The following AKAP1 variants were observed in gnomAD, a reference collection of about 807,000 sequenced individuals.
AKAP1 encodes A-kinase anchoring protein 1.
AKAP1 carries 32 observed loss-of-function variants against 79.8 expected under a neutral mutation model. The ratio of observed to expected loss-of-function variants is 0.40; its 90% CI spans 0.30 to 0.54. AKAP1 has a LOEUF of 0.54. Ranked by LOEUF, AKAP1 falls within the 20% of genes least tolerant of loss-of-function variation. The pLI is 0.47. For missense variants in AKAP1, 961 were observed against 1,138.9 expected (o/e 0.84, Z 2.25); for synonymous variants, 416 against 466.7 (o/e 0.89, Z 1.40).
chr17:57,109,693 G>A (rs766297327), intron 2 of AKAP1, among the ~76,000 whole-genome samples: 4 of 152,276 alleles, frequency 2.6e-5, no homozygotes, highest in African/African-American at 4.8e-5. Flanking sequence ...CTCCTCCCCC[G>A]CCCTCTGGGC....
chr17:57,085,715 TC>T (rs1486110568), intron 1 of AKAP1: 3 of 152,190 alleles, frequency 2.0e-5, no homozygotes, highest in Admixed American at 2.0e-4. Flanking sequence ...CCCACGCGCG[TC>T]ACTGTCCTCG....
At chr17:57,091,113 C>T (rs1913757836) in intron 1 of AKAP1, among the ~76,000 whole-genome samples, 1 of 152,250 alleles carries the variant, frequency 6.6e-6, no homozygotes, top group Non-Finnish European at 1.5e-5. Context: ...CTTCTTGCCC[C>T]TCCTTTCTGC....
chr17:57,115,733 G>A (rs1238597377), intron 6 of AKAP1, among the ~76,000 whole-genome samples: 1 of 152,216 alleles, frequency 6.6e-6, no homozygotes, highest in Non-Finnish European at 1.5e-5. Flanking sequence ...TTTCTTCAGG[G>A]ACTTTCTTTT....
rs1324909712 is a variant in AKAP1 at position 57,106,102 on chromosome 17, A to C, written c.638A>C (p.Lys213Thr). Residue 213 changes from lysine (K) to threonine (T), a missense_variant, in exon 2 of 11, where the codon AAG becomes ACG. Lys to Thr is a moderately conservative substitution (Grantham distance 78). Around this residue, in one of 3 missense-constraint regions of AKAP1, gnomAD observed 224 missense variants for 210.2 expected, o/e 1.07. Coordinates refer to ENST00000337714, the MANE Select transcript of AKAP1 (RefSeq NM_003488.4). ...ACTGGTGATGCCGTGTTGGGGGAAA[A>C]GGTGCTTGAAGAAGCTCTGTTGTCT... ...EGTGDAVLGE[K>T]VLEEALLSRE... 1 of 1,605,094 alleles carries C rather than the reference A, an allele frequency of 6.2e-7. No individual in the cohort carries two copies. The highest frequency in any genetic ancestry group is 8.5e-7 in the Non-Finnish European group (1 of 1,174,706).
chr17:57,104,792 G>C (rs77484304), intron 1 of AKAP1, among the ~76,000 whole-genome samples: 1 of 152,210 alleles, frequency 6.6e-6, no homozygotes, highest in East Asian at 1.9e-4. Flanking sequence ...AAAATTCTCA[G>C]TTGAGCCTTG....
intron 5 of AKAP1, 99 bp from the exon 6 acceptor site, chr17:57,114,360 G>C (rs1915444141): frequency 2.1e-6 from 3 of 1,452,238 alleles, no homozygotes; most frequent in Non-Finnish European, 2.8e-6. Flanking sequence ...CCTTTTCAAA[G>C]ATATGCTAGC....
At chr17:57,091,005 C>T (rs753556226) in intron 1 of AKAP1, among the ~76,000 whole-genome samples, 1 of 152,220 alleles carries the variant, frequency 6.6e-6, no homozygotes, top group Non-Finnish European at 1.5e-5. Flanking sequence ...TCAAGCACAG[C>T]CCCAGCCCCC....
chr17:57,118,484 G>A (rs1915726016), intron 9 of AKAP1, 30 bp downstream of exon 9: 5 of 1,611,754 alleles, frequency 3.1e-6, no homozygotes, highest in Non-Finnish European at 4.2e-6. Flanking sequence ...GGGGGAGGCA[G>A]GCTGGCTGGG....
intron 4 of AKAP1, 68 bp downstream of exon 4, chr17:57,111,992 G>A: frequency 6.4e-7 from 1 of 1,556,150 alleles, no homozygotes; most frequent in Non-Finnish European, 8.8e-7. Context: ...TAGCATCTGA[G>A]TTTCAATTGC....
At chr17:57,101,949 T>C (rs960025625) in intron 1 of AKAP1, among the ~76,000 whole-genome samples, 6 of 152,222 alleles carry the variant, frequency 3.9e-5, no homozygotes, top group African/African-American at 1.4e-4. Flanking sequence ...ATTTTTTCCA[T>C]GTCGGCACAT....
chr17:57,107,839 A>G (rs920699266), intron 2 of AKAP1: 13 of 593,408 alleles, frequency 2.2e-5, no homozygotes, highest in Non-Finnish European at 3.4e-5. Context: ...TTACAGGGTA[A>G]GTGCCCAAAG....
At chr17:57,107,873 G>T in intron 2 of AKAP1, 2 of 1,004,622 alleles carry the variant, frequency 2.0e-6, no homozygotes, top group Non-Finnish European at 1.4e-6. Flanking sequence ...TTGAATACTT[G>T]TGGGAGGCTT....
intron 10 of AKAP1, 65 bp from the exon 11 acceptor site, chr17:57,120,185 T>C: frequency 2.0e-6 from 3 of 1,497,188 alleles, no homozygotes; most frequent in East Asian, 2.3e-5. Context: ...GGAGAACTCA[T>C]GTTGGCTAGG....
At position 57,086,233 on chromosome 17, in the gene AKAP1, G is replaced by C. The variant is rs953859257; in HGVS notation, c.-25+835G>C. ...GCCCCGCCTGCGGCCCAGGGCCCGG[G>C]GTCTGCGATCTGGAGGGACCGCGCC... On this transcript the variant is annotated intron_variant, in intron 1 of 10. Transcript: ENST00000337714. This position sits in a 1 kb window ranked among gnomAD's most constrained non-coding sequence, Gnocchi z 5.1. The C allele has an allele frequency of 2.4e-5, 8 of 329,902 alleles. No individual in the cohort carries two copies. The highest frequency in any genetic ancestry group is 4.8e-5 in the Non-Finnish European group (8 of 167,966). 20.4% of individuals were successfully genotyped at this position (329,902 alleles called of 1,614,324 possible). A position where few individuals can be genotyped will look rare whatever the true frequency, so the allele number is the denominator to read the frequency against.
At chr17:57,107,597 C>G (rs1324664529) in intron 2 of AKAP1, among the ~76,000 whole-genome samples, 2 of 152,272 alleles carry the variant, frequency 1.3e-5, no homozygotes, top group Non-Finnish European at 2.9e-5. Flanking sequence ...CTCGGCCTCC[C>G]AGAGTGCTGG....
Position 57,120,953 on chromosome 17 carries a change from T to C in AKAP1, c.*629T>C, listed in dbSNP as rs1426951458. 1.3e-5 allele frequency: 2 copies of C among 152,736 alleles called. No homozygotes were observed. Among genetic ancestry groups the C allele is most frequent in the African/African-American group, 4.8e-5 (2 of 41,472 alleles). The allele number at this position is 152,736 out of a possible 1,614,324, so 9.5% of individuals were successfully genotyped here. On this transcript the variant is annotated 3_prime_UTR_variant, in exon 11 of 11. Transcript: ENST00000337714. ...GAACTGGTATCCTGCCAAGCCTGGT[T>C]GTAATTTGTAACCATTTTCTATTTG...
intron 5 of AKAP1, among the ~76,000 whole-genome samples, chr17:57,112,870 C>T (rs1039896947): frequency 0.022 from 3 of 134 alleles, no homozygotes; most frequent in Non-Finnish European, 0.056. Flanking sequence ...TCCTGGCTCT[C>T]CCCCTGGGCA....
At chr17:57,102,792 T>G (rs1332997805) in intron 1 of AKAP1, among the ~76,000 whole-genome samples, 2 of 152,102 alleles carry the variant, frequency 1.3e-5, no homozygotes, top group African/African-American at 4.8e-5. Flanking sequence ...ATTTTAACCT[T>G]CAAGATAGTA....
intron 2 of AKAP1, among the ~76,000 whole-genome samples, chr17:57,107,379 T>C (rs1914962064): frequency 1.3e-5 from 2 of 152,164 alleles, no homozygotes; most frequent in Non-Finnish European, 2.9e-5. Context: ...AAACCCCAAG[T>C]CATGGGAGCT....
Sources: allele counts gnomAD v4.1 joint callset (sites outside exome capture counted in the v4.1 genomes callset), GRCh38; gene constraint gnomAD v4.1.1; regional missense constraint gnomAD v4.1.1; non-coding constraint Gnocchi (gnomAD v3.1); transcripts MANE v1.5; gene names NCBI Gene and HGNC (gene_info 2026-07-23, HGNC 2026-07-21).